The following TMEM40 variants were observed in gnomAD, a reference collection of about 807,000 sequenced individuals.
The protein encoded by TMEM40 is transmembrane protein 40.
Under a neutral mutation model 40.8 loss-of-function variants are expected in TMEM40, and 34 were observed. The observed-to-expected ratio is 0.83, with a 90% confidence interval of 0.63 to 1.11. The LOEUF (loss-of-function observed/expected upper bound fraction) is 1.11, where lower values mean the gene tolerates loss of function less well. Ranked by LOEUF, TMEM40 falls within the 50% of genes least tolerant of loss-of-function variation. TMEM40 has a pLI of 0.00. For synonymous variants in TMEM40, 106 were observed against 107.0 expected, an observed-to-expected ratio of 0.99 and a Z score of 0.06; for missense variants, 296 against 280.2, an observed-to-expected ratio of 1.06 and a Z score of -0.40.
intron 5 of TMEM40, 144 bp from the exon 6 acceptor site, chr3:12,738,732 TC>T: frequency 1.2e-6 from 1 of 803,736 alleles, no homozygotes; most frequent in Non-Finnish European, 2.0e-6. Context: ...GCTGGAGGGT[TC>T]CTGTTCCAAC....
upstream of TMEM40, among the ~76,000 whole-genome samples, chr3:12,762,969 C>G (rs562724084): frequency 9.2e-5 from 14 of 152,142 alleles, no homozygotes; most frequent in African/African-American, 3.4e-4. Context: ...ACCATCCTGG[C>G]TAACACAGTG....
chr3:12,743,781 C>A, intron 4 of TMEM40, 119 bp downstream of exon 4: 1 of 926,138 alleles, frequency 1.1e-6, no homozygotes. Flanking sequence ...TGCTGTCAGG[C>A]TATTTCCTAT....
chr3:12,737,725 G>A lies in TMEM40; in HGVS notation c.454C>T (p.Leu152=). ...GEVEASQLRR[L]NIKKDDEFFH... is the part of the protein sequence containing the mutation. Reference sequence around the variant, plus strand: ...TCCTTACCATCTTTCTTTATATTCAGTCTTCTTAACTGAGAGGCCTCCACT... The same window carrying A: ...TCCTTACCATCTTTCTTTATATTCAATCTTCTTAACTGAGAGGCCTCCACT... The change falls in exon 8 of 12, where the codon CTG becomes TTG. Residue 152 remains leucine, a synonymous_variant. Transcript: ENST00000314124. The A allele has an allele frequency of 1.2e-6, 2 of 1,614,046 alleles. No individual in the cohort carries two copies. The highest frequency in any genetic ancestry group is 1.7e-6 in the Non-Finnish European group (2 of 1,179,966).
At chr3:12,754,267 G>C (rs550712941) in intron 1 of TMEM40, among the ~76,000 whole-genome samples, 1 of 152,092 alleles carries the variant, frequency 6.6e-6, no homozygotes, top group African/African-American at 2.4e-5. Flanking sequence ...AGCCGAGACC[G>C]CACCACTGCA....
intron 3 of TMEM40, among the ~76,000 whole-genome samples, chr3:12,747,089 C>T (rs114439884): frequency 0.018 from 2,790 of 152,204 alleles, 57 homozygotes; most frequent in African/African-American, 0.041. Context: ...CCCACGGGAC[C>T]CACCGACCAC....
chr3:12,747,186 C>G (rs533069909), intron 3 of TMEM40, among the ~76,000 whole-genome samples: 2 of 141,300 alleles, frequency 1.4e-5, no homozygotes, highest in African/African-American at 5.2e-5. Context: ...AAGACCAGAG[C>G]TTTTTTTTTT....
At chr3:12,738,102 G>T in intron 7 of TMEM40, 34 bp downstream of exon 7, 1 of 1,612,500 alleles carries the variant, frequency 6.2e-7, no homozygotes, top group South Asian at 1.1e-5. Flanking sequence ...ATCCACACCC[G>T]CTCTGGCTCT....
chr3:12,766,085 C>T (rs2061592682), intron 1 of TMEM40, among the ~76,000 whole-genome samples: 1 of 151,882 alleles, frequency 6.6e-6, no homozygotes, highest in East Asian at 1.9e-4. Context: ...GTCTTAAGCT[C>T]CTGGGCTCAA....
chr3:12,758,782 C>A (rs1444964157), intron 1 of TMEM40, among the ~76,000 whole-genome samples: 1 of 152,220 alleles, frequency 6.6e-6, no homozygotes, highest in Admixed American at 6.5e-5. Context: ...TGCGGGAACA[C>A]CCCTCCCCTC....
chr3:12,739,445 T>C (rs1036906856), intron 5 of TMEM40, among the ~76,000 whole-genome samples: 8 of 152,008 alleles, frequency 5.3e-5, no homozygotes, highest in Non-Finnish European at 1.0e-4. Flanking sequence ...CCACCACGCC[T>C]GGCTAATTTT....
At chr3:12,739,785 T>C (rs541192810) in intron 5 of TMEM40, among the ~76,000 whole-genome samples, 22 of 152,104 alleles carry the variant, frequency 1.4e-4, no homozygotes, top group African/African-American at 4.8e-4. Context: ...AAATGTGGTA[T>C]AGAATTGATG....
rs2061340162 is a variant in TMEM40, at chr3:12,736,672, G to A, written c.545-20C>T. 3 of 1,612,312 alleles carry A rather than the reference G, an allele frequency of 1.9e-6. No individual in the cohort carries two copies. The highest frequency in any genetic ancestry group is 4.5e-5 in the East Asian group (2 of 44,774). The stretch of plus-strand genomic sequence containing the variant: ...ACCAGTCTGGAAGGGCAGTGAGGGA[G>A]GGAATGGTCAGCCTCCAGGTCTTGA... On this transcript the variant is annotated intron_variant, in intron 9 of 11. Transcript: ENST00000314124.
intron 1 of TMEM40, among the ~76,000 whole-genome samples, chr3:12,755,456 A>G (rs1277789869): frequency 1.3e-5 from 2 of 151,546 alleles, no homozygotes; most frequent in African/African-American, 4.9e-5. Context: ...TGGCCTCAAT[A>G]TATAAAATAA....
In TMEM40 at chr3:12,739,520, G is replaced by A. The variant is rs543773738; in HGVS notation, c.356-932C>T. ...AGGATGGTCTCGATCTCCTGACCTC[G>A]TGATCCACCCACCTCAGCCTCCCAA... On this transcript the variant is annotated intron_variant, in intron 5 of 11. Transcript: ENST00000314124. Among the ~76,000 whole-genome samples, 543 of 152,022 alleles carry A rather than the reference G, an allele frequency of 3.6e-3. 1 individual carries two copies. The highest frequency in any genetic ancestry group is 0.012 in the African/African-American group (508 of 41,492).
At chr3:12,758,104 A>T (rs563714659) in intron 1 of TMEM40, among the ~76,000 whole-genome samples, 43 of 151,434 alleles carry the variant, frequency 2.8e-4, no homozygotes, top group African/African-American at 9.9e-4. Context: ...AAAAGGAAAG[A>T]CTCCACCCAC....
At chr3:12,764,822 CTTAAAG>C (rs1269164302) in intron 1 of TMEM40, among the ~76,000 whole-genome samples, 1 of 152,132 alleles carries the variant, frequency 6.6e-6, no homozygotes, top group African/African-American at 2.4e-5. Flanking sequence ...TTAAAATTAA[CTTAAAG>C]TTAAACCCAG....
At chr3:12,754,876 T>TCA (rs1193551837) in intron 1 of TMEM40, among the ~76,000 whole-genome samples, 4 of 152,188 alleles carry the variant, frequency 2.6e-5, no homozygotes, top group Non-Finnish European at 5.9e-5. Context: ...GAAGGAAAGG[T>TCA]CAGTACCTTG....
chr3:12,736,631 A>G lies in TMEM40; in HGVS notation c.566T>C (p.Val189Ala). ...CAGGGAGGCGAAGGTGAGCAGGCCGACCCCAAGAGACATGAACCAGTCTGG... is the reference window on the plus strand; with the variant it reads ...CAGGGAGGCGAAGGTGAGCAGGCCGGCCCCAAGAGACATGAACCAGTCTGG... ...YYADWFMSLG[V>A]GLLTFASLET... The change falls in exon 10 of 12, where the codon GTC (valine) becomes GCC (alanine). Residue 189 changes from valine (V) to alanine (A), a missense_variant. Transcript: ENST00000314124. The G allele has an allele frequency of 1.9e-6, 3 of 1,590,770 alleles. No homozygotes were observed. Among genetic ancestry groups the G allele is most frequent in the Non-Finnish European group, 2.6e-6 (3 of 1,168,520 alleles).
chr3:12,766,780 G>C (rs1033205500), intron 1 of TMEM40, among the ~76,000 whole-genome samples: 1 of 152,194 alleles, frequency 6.6e-6, no homozygotes. Flanking sequence ...GTTCACAGAT[G>C]CAGAAACACA....
Sources: gnomAD v4.1 joint callset for allele counts (sites outside exome capture counted in the v4.1 genomes callset) on GRCh38, gnomAD v4.1.1 for gene constraint, MANE v1.5 for transcripts, NCBI Gene and HGNC (gene_info 2026-07-23, HGNC 2026-07-21) for gene names.